The following HS3ST4 variants were observed in gnomAD, a reference collection of about 807,000 sequenced individuals.
HS3ST4 encodes the protein heparan sulfate-glucosamine 3-sulfotransferase 4, also known as heparan sulfate glucosamine 3-O-sulfotransferase 4.
HS3ST4 carries 17 observed loss-of-function variants against 29.2 expected under a neutral mutation model. The observed-to-expected ratio is 0.58, with a 90% CI of 0.40 to 0.87. HS3ST4 has a LOEUF of 0.87. Among genes scored for constraint, HS3ST4 ranks in the 40% least tolerant of loss-of-function variants. The probability of loss-of-function intolerance (pLI) is 0.00; values close to 1 mark genes in which losing one functional copy is unlikely to be tolerated. For missense variants in HS3ST4, 627 were observed against 634.5 expected, an observed-to-expected ratio of 0.99 and a Z score of 0.13; for synonymous variants, 314 against 285.7, an observed-to-expected ratio of 1.10 and a Z score of -1.00.
intron 1 of HS3ST4, among the ~76,000 whole-genome samples, chr16:26,059,694 G>C (rs543465607): frequency 2.0e-4 from 30 of 152,252 alleles, no homozygotes; most frequent in Middle Eastern, 3.4e-3. Flanking sequence ...GATTTGATAG[G>C]ATTAAATTGG....
chr16:25,948,997 T>A (rs2141696027), intron 1 of HS3ST4, among the ~76,000 whole-genome samples: 1 of 152,168 alleles, frequency 6.6e-6, no homozygotes, highest in East Asian at 1.9e-4. Flanking sequence ...TATGACTCCC[T>A]CAGATGCAGA....
intron 1 of HS3ST4, among the ~76,000 whole-genome samples, chr16:26,021,586 C>T (rs927955636): frequency 6.6e-6 from 1 of 152,174 alleles, no homozygotes; most frequent in East Asian, 1.9e-4. Context: ...CAGCAGCGTA[C>T]GAGGCTCACA....
chr16:25,758,538 C>T (rs191030133), intron 1 of HS3ST4, among the ~76,000 whole-genome samples: 30 of 152,244 alleles, frequency 2.0e-4, no homozygotes, highest in African/African-American at 5.3e-4. Flanking sequence ...TCTCATTTAT[C>T]TGAACTTCAG....
intron 1 of HS3ST4, among the ~76,000 whole-genome samples, chr16:26,073,518 G>A (rs903990660): frequency 1.3e-5 from 2 of 152,114 alleles, no homozygotes; most frequent in African/African-American, 4.8e-5. Context: ...GGGACTACAG[G>A]TGTGCCATCA....
intron 1 of HS3ST4, among the ~76,000 whole-genome samples, chr16:25,709,163 A>T (rs909106193): frequency 2.0e-5 from 3 of 151,800 alleles, no homozygotes; most frequent in African/African-American, 7.3e-5. Context: ...GTCGCCGCTC[A>T]GATGGTTGAC....
intron 1 of HS3ST4, among the ~76,000 whole-genome samples, chr16:26,007,728 G>A (rs1006569630): frequency 2.6e-5 from 4 of 152,098 alleles, no homozygotes; most frequent in Non-Finnish European, 5.9e-5. Context: ...GTCCTTCAGG[G>A]GACATTATGC....
intron 1 of HS3ST4, among the ~76,000 whole-genome samples, chr16:25,976,319 T>G (rs1968942916): frequency 6.6e-6 from 1 of 152,198 alleles, no homozygotes; most frequent in African/African-American, 2.4e-5. Context: ...TTCTTTTCTT[T>G]TTTTGAGACA....
chr16:25,943,343 G>T (rs1430670931), intron 1 of HS3ST4, among the ~76,000 whole-genome samples: 1 of 152,182 alleles, frequency 6.6e-6, no homozygotes, highest in Non-Finnish European at 1.5e-5. Context: ...ATGAGGTGCT[G>T]TTTATAATAT....
intron 1 of HS3ST4, among the ~76,000 whole-genome samples, chr16:25,918,263 T>C (rs1204291373): frequency 6.6e-6 from 1 of 152,134 alleles, no homozygotes; most frequent in Non-Finnish European, 1.5e-5. Flanking sequence ...GAAGGGCACG[T>C]CTTATTGTCA....
chr16:26,134,822 G>C (rs184226335), intron 1 of HS3ST4, among the ~76,000 whole-genome samples: 49 of 152,304 alleles, frequency 3.2e-4, no homozygotes, highest in Non-Finnish European at 6.3e-4. Flanking sequence ...AAGGAATAAG[G>C]AGTAAATACA....
At chr16:25,873,324 TTC>T (rs1967778946) in intron 1 of HS3ST4, among the ~76,000 whole-genome samples, 1 of 50,356 alleles carries the variant, frequency 2.0e-5, no homozygotes, top group Non-Finnish European at 4.7e-5. Context: ...CCATCCATCC[TTC>T]CTTCCTTCCT....
chr16:25,862,534 C>T (rs753927231), intron 1 of HS3ST4, among the ~76,000 whole-genome samples: 6 of 152,144 alleles, frequency 3.9e-5, no homozygotes, highest in Admixed American at 2.0e-4. Flanking sequence ...TGACAGGAGA[C>T]GGAGCCCAGG....
chr16:26,093,583 A>C (rs970639540), intron 1 of HS3ST4, among the ~76,000 whole-genome samples: 2 of 152,194 alleles, frequency 1.3e-5, no homozygotes, highest in African/African-American at 4.8e-5. Flanking sequence ...CAAAAAGGAC[A>C]TCAACACCAA....
At chr16:26,064,214 T>G (rs1898515265) in intron 1 of HS3ST4, among the ~76,000 whole-genome samples, 1 of 152,212 alleles carries the variant, frequency 6.6e-6, no homozygotes, top group Admixed American at 6.5e-5. Context: ...GAATGCCCAG[T>G]GTAGCCAAAT....
chr16:26,044,863 G>A (rs557769439), intron 1 of HS3ST4, among the ~76,000 whole-genome samples: 31 of 152,220 alleles, frequency 2.0e-4, no homozygotes, highest in African/African-American at 7.0e-4. Flanking sequence ...AGCTGGGACC[G>A]AGAGCTTTAT....
At chr16:25,887,389 G>A (rs941983572) in intron 1 of HS3ST4, among the ~76,000 whole-genome samples, 26 of 152,050 alleles carry the variant, frequency 1.7e-4, no homozygotes, top group African/African-American at 5.3e-4. Context: ...TTAAAAATAC[G>A]CCTCACAGTC....
At chr16:25,974,966 C>T (rs918034860) in intron 1 of HS3ST4, among the ~76,000 whole-genome samples, 3 of 152,114 alleles carry the variant, frequency 2.0e-5, no homozygotes, top group African/African-American at 7.2e-5. Context: ...TTCCCCATCT[C>T]AGTAAATAGC....
rs145851913 is a variant in HS3ST4 at position 26,024,519 on chromosome 16, G to A, written c.735-111093G>A. ...GGCTGAGGCAGGCAGATCCTCTGAG[G>A]TCAGGAGTTCAAGACCAGCCTGGCC... On this transcript the variant is annotated intron_variant, in intron 1 of 1. Transcript: ENST00000331351. Among the ~76,000 whole-genome samples, 60 of 152,070 alleles carry A rather than the reference G, an allele frequency of 3.9e-4. 1 individual carries two copies. The East Asian group carries it at 0.011, about 27-fold the overall frequency.
At chr16:26,116,960 A>G (rs182362453) in intron 1 of HS3ST4, among the ~76,000 whole-genome samples, 188 of 152,312 alleles carry the variant, frequency 1.2e-3, no homozygotes, top group African/African-American at 4.2e-3. Flanking sequence ...CCAAATCTGA[A>G]ACACTTCTGG....
Sources: gnomAD v4.1 joint callset for allele counts (sites outside exome capture counted in the v4.1 genomes callset) on GRCh38, gnomAD v4.1.1 for gene constraint, MANE v1.5 for transcripts, NCBI Gene and HGNC (gene_info 2026-07-23, HGNC 2026-07-21) for gene names.